HIVEP3: variants seen among roughly 807,000 people sequenced by gnomAD.
HIVEP3 encodes HIVEP zinc finger 3, also known as transcription factor HIVEP3.
A neutral mutation model predicts 152.8 loss-of-function variants in HIVEP3; 49 were observed. The ratio of observed to expected loss-of-function variants is 0.32; its 90% CI spans 0.26 to 0.41. The LOEUF (loss-of-function observed/expected upper bound fraction) is 0.41. Among genes scored for constraint, HIVEP3 ranks in the 10% least tolerant of loss-of-function variants. HIVEP3 has a pLI of 1.00. For missense variants in HIVEP3, 2,790 were observed against 3,103.3 expected, an observed-to-expected ratio of 0.90 and a Z score of 2.40; for synonymous variants, 1,269 against 1,289.0, an observed-to-expected ratio of 0.98 and a Z score of 0.33.
intron 1 of HIVEP3, among the ~76,000 whole-genome samples, chr1:41,831,702 A>T (rs1642969836): frequency 6.6e-6 from 1 of 152,192 alleles, no homozygotes; most frequent in African/African-American, 2.4e-5. Flanking sequence ...CTCAAGTCCC[A>T]CGAGGTAATG....
intron 1 of HIVEP3, among the ~76,000 whole-genome samples, chr1:41,942,748 T>C (rs766225492): frequency 1.8e-4 from 27 of 152,144 alleles, no homozygotes; most frequent in Admixed American, 1.3e-4. Context: ...GAGAATTATA[T>C]GAATAATTCT....
intron 1 of HIVEP3, among the ~76,000 whole-genome samples, chr1:41,720,389 T>C (rs1570393141): frequency 6.6e-6 from 1 of 152,360 alleles, no homozygotes; most frequent in East Asian, 1.9e-4. Context: ...GGAATAGCCT[T>C]GGGTCTGTCT....
intron 5 of HIVEP3, among the ~76,000 whole-genome samples, chr1:41,573,024 G>C (rs771193071): frequency 8.5e-5 from 13 of 152,192 alleles, no homozygotes; most frequent in Non-Finnish European, 1.5e-4. Context: ...GAAGCTTCTG[G>C]GTGGAACCAT....
At chr1:41,595,377 C>T (rs1027801893) in intron 3 of HIVEP3, among the ~76,000 whole-genome samples, 9 of 152,178 alleles carry the variant, frequency 5.9e-5, no homozygotes, top group Non-Finnish European at 4.4e-5. Flanking sequence ...TAGGGCCCAC[C>T]CAGTCTTCCT....
chr1:41,529,577 C>T (rs114723920), intron 5 of HIVEP3, among the ~76,000 whole-genome samples: 97 of 126,088 alleles, frequency 7.7e-4, no homozygotes, highest in African/African-American at 2.7e-3. Context: ...CTCACACATA[C>T]GTCCCCACCT....
At chr1:41,673,102 C>T (rs1469164296) in intron 2 of HIVEP3, among the ~76,000 whole-genome samples, 1 of 152,190 alleles carries the variant, frequency 6.6e-6, no homozygotes, top group African/African-American at 2.4e-5. Flanking sequence ...TCCCCCTGCC[C>T]CCTCCCCAGG....
chr1:41,753,401 C>T (rs1647196304), intron 1 of HIVEP3, among the ~76,000 whole-genome samples: 1 of 152,208 alleles, frequency 6.6e-6, no homozygotes, highest in African/African-American at 2.4e-5. Context: ...TGGCTCACGC[C>T]TGTAATCCCA....
At chr1:41,545,803 T>TCACCAC (rs1335122735) in intron 5 of HIVEP3, among the ~76,000 whole-genome samples, 2 of 122,812 alleles carry the variant, frequency 1.6e-5, no homozygotes, top group Non-Finnish European at 3.5e-5. Context: ...ATCACCACCA[T>TCACCAC]CACCACCACC....
At chr1:41,960,159 A>T (rs1480843115) in intron 1 of HIVEP3, among the ~76,000 whole-genome samples, 1 of 152,222 alleles carries the variant, frequency 6.6e-6, no homozygotes, top group Non-Finnish European at 1.5e-5. Context: ...CACTAGCCAC[A>T]TTGGTTAGCC....
intron 1 of HIVEP3, among the ~76,000 whole-genome samples, chr1:41,891,670 C>A (rs1278885999): frequency 6.6e-6 from 1 of 152,218 alleles, no homozygotes; most frequent in African/African-American, 2.4e-5. Context: ...TCACGGCACT[C>A]CCCAGAAGTC....
rs1397199291 is a variant in HIVEP3 at position 41,513,023 on chromosome 1, G to A, written c.6198C>T (p.Tyr2066=). 1.2e-6 allele frequency: 2 copies of A among 1,613,476 alleles called. No individual in the cohort carries two copies. The highest frequency in any genetic ancestry group is 2.7e-5 in the African/African-American group (2 of 74,948). ...EGTTDPGLPR[Y]SPTRRWSPGQ... ...CTGGAGACCATCTCCTGGTGGGCGA[G>A]TATCTGGGGAGGCCTGGGTCGGTGG... The change falls in exon 8 of 9, where the codon TAC becomes TAT. Residue 2066 remains tyrosine (Y), a synonymous_variant. Transcript: ENST00000372583.
At chr1:41,897,449 C>T (rs545908986) in intron 1 of HIVEP3, among the ~76,000 whole-genome samples, 4 of 152,228 alleles carry the variant, frequency 2.6e-5, no homozygotes, top group East Asian at 1.9e-4. Context: ...TTGAAGAAAG[C>T]GTCCCTACCC....
intron 1 of HIVEP3, among the ~76,000 whole-genome samples, chr1:41,785,994 G>A (rs1012054829): frequency 1.3e-5 from 2 of 152,066 alleles, no homozygotes; most frequent in African/African-American, 2.4e-5. Context: ...GTGAAACTCT[G>A]TCTCAAAAAA....
intron 1 of HIVEP3, among the ~76,000 whole-genome samples, chr1:41,911,789 G>A (rs1490758263): frequency 6.6e-6 from 1 of 152,196 alleles, no homozygotes; most frequent in South Asian, 2.1e-4. Context: ...AGTTGGTACA[G>A]AGTCCAATCA....
In HIVEP3 at chr1:41,634,640, G is replaced by C. The variant is rs113783027; in HGVS notation, c.-720-5693C>G. ...ACACTTAAAACAAACTGACAAAAAAGATGGAAATCAAATAAATGGAAAAAA... is the reference window on the plus strand; with the variant it reads ...ACACTTAAAACAAACTGACAAAAAACATGGAAATCAAATAAATGGAAAAAA... On this transcript the variant is annotated intron_variant, in intron 2 of 8. Coordinates refer to ENST00000372583, the MANE Select transcript of HIVEP3 (RefSeq NM_024503.5). Among the ~76,000 whole-genome samples, 1,343 of 152,210 alleles carry C rather than the reference G, an allele frequency of 8.8e-3. 16 individuals are homozygous for C. The highest frequency in any genetic ancestry group is 0.031 in the African/African-American group (1,297 of 41,528).
chr1:41,987,536 A>C (rs1645331443), intron 1 of HIVEP3, among the ~76,000 whole-genome samples: 1 of 152,206 alleles, frequency 6.6e-6, no homozygotes, highest in Admixed American at 6.5e-5. Flanking sequence ...AGCTAGAGTA[A>C]TCAAAACAGC....
intron 1 of HIVEP3, among the ~76,000 whole-genome samples, chr1:41,720,789 A>T (rs139786424): frequency 1.9e-3 from 287 of 152,372 alleles, no homozygotes; most frequent in African/African-American, 6.7e-3. Flanking sequence ...CAAGATGTGG[A>T]AAAAACCCAA....
intron 2 of HIVEP3, among the ~76,000 whole-genome samples, chr1:41,686,312 G>A (rs962160505): frequency 6.6e-6 from 1 of 152,090 alleles, no homozygotes; most frequent in Non-Finnish European, 1.5e-5. Context: ...GGGCTCAAGT[G>A]ATCCTCCCAC....
At chr1:42,014,008 A>G (rs1340434408) in intron 1 of HIVEP3, among the ~76,000 whole-genome samples, 2 of 152,196 alleles carry the variant, frequency 1.3e-5, no homozygotes, top group Non-Finnish European at 2.9e-5. Flanking sequence ...AGTCTGTCCT[A>G]TGATTTCATG....
Sources: allele counts gnomAD v4.1 joint callset (sites outside exome capture counted in the v4.1 genomes callset), GRCh38; gene constraint gnomAD v4.1.1; transcripts MANE v1.5; gene names NCBI Gene and HGNC (gene_info 2026-07-23, HGNC 2026-07-21).